PTPRS: variants seen among roughly 807,000 people sequenced by gnomAD.
The protein encoded by PTPRS is receptor-type tyrosine-protein phosphatase S.
In PTPRS, 63 loss-of-function variants were observed where a neutral mutation model predicts 215.3. The observed-to-expected ratio is 0.29, with a 90% confidence interval of 0.24 to 0.36. The LOEUF is 0.36. Among genes scored for constraint, PTPRS ranks in the 10% least tolerant of loss-of-function variants. PTPRS has a pLI of 1.00. For missense variants in PTPRS, 2,258 were observed against 2,825.8 expected, an observed-to-expected ratio of 0.80 and a Z score of 4.56; for synonymous variants, 1,404 against 1,191.4, an observed-to-expected ratio of 1.18 and a Z score of -3.68.
intron 4 of PTPRS, among the ~76,000 whole-genome samples, chr19:5,266,209 A>G (rs2046384623): frequency 6.6e-6 from 1 of 152,124 alleles, no homozygotes; most frequent in Non-Finnish European, 1.5e-5. Context: ...TGGTGAGCCA[A>G]GATCACGCCA....
chr19:5,262,887 G>T, intron 6 of PTPRS, 77 bp downstream of exon 6: 1 of 1,437,340 alleles, frequency 7.0e-7, no homozygotes, highest in Non-Finnish European at 9.6e-7. Context: ...TGTTAGTTTG[G>T]TGAGGAGAAG....
chr19:5,300,452 GTA>G (rs1372849883), intron 1 of PTPRS, among the ~76,000 whole-genome samples: 1 of 151,916 alleles, frequency 6.6e-6, no homozygotes, highest in Non-Finnish European at 1.5e-5. Flanking sequence ...CGAGTACACA[GTA>G]TATGCTCAAT....
At position 5,206,081 on chromosome 19, in the gene PTPRS, A is replaced by AG. The variant is rs147754186; in HGVS notation, c.*692_*693insC. On this transcript the variant is annotated 3_prime_UTR_variant, in exon 38 of 38. Coordinates refer to ENST00000262963, the MANE Select transcript of PTPRS (RefSeq NM_002850.4). ...AAATTAAAAAAAAAAAAAAAAAAAA[A>AG]AAAGCCAAGGTACAGCCATGGGCCT... Among the ~76,000 whole-genome samples, 2 of 135,576 alleles carry AG rather than the reference A, an allele frequency of 1.5e-5. No individual in the cohort carries two copies. The highest frequency in any genetic ancestry group is 2.9e-5 in the African/African-American group (1 of 34,470). The allele number at this position is 135,576 out of a possible 152,430, so 88.9% of individuals were successfully genotyped here.
intron 13 of PTPRS, among the ~76,000 whole-genome samples, chr19:5,232,830 T>C (rs2043130770): frequency 6.6e-6 from 1 of 152,104 alleles, no homozygotes; most frequent in Non-Finnish European, 1.5e-5. Context: ...AAACACTTAC[T>C]ATGTGCCAGG....
intron 1 of PTPRS, among the ~76,000 whole-genome samples, chr19:5,312,910 G>C (rs1000430230): frequency 1.3e-5 from 2 of 152,072 alleles, no homozygotes; most frequent in East Asian, 3.9e-4. Context: ...CCCAAAACCT[G>C]GCCTAGGATT....
chr19:5,220,695 T>C (rs1055352172), intron 20 of PTPRS, among the ~76,000 whole-genome samples: 1 of 152,140 alleles, frequency 6.6e-6, no homozygotes, highest in African/African-American at 2.4e-5. Context: ...CTGGGGACTC[T>C]CAGCTTTGCC....
At chr19:5,230,970 CCATGATCAGCA>C (rs2145657127) in intron 14 of PTPRS, among the ~76,000 whole-genome samples, 1 of 152,314 alleles carries the variant, frequency 6.6e-6, no homozygotes, top group African/African-American at 2.4e-5. Context: ...AGCTGGTTAA[CCATGATCAGCA>C]CATTGTTGTT....
chr19:5,330,425 C>T (rs2050287002), intron 1 of PTPRS, among the ~76,000 whole-genome samples: 1 of 152,198 alleles, frequency 6.6e-6, no homozygotes, highest in Non-Finnish European at 1.5e-5. Flanking sequence ...ATTAGCGGCC[C>T]CCACCACGGG....
chr19:5,275,067 T>G (rs2047242405), intron 2 of PTPRS, among the ~76,000 whole-genome samples: 1 of 99,204 alleles, frequency 1.0e-5, no homozygotes, highest in Non-Finnish European at 2.0e-5. Flanking sequence ...ATCGTCATTT[T>G]CTTTTCTTTT....
chr19:5,221,244 T>G lies in PTPRS; in HGVS notation c.3211A>C (p.Asn1071His). The change falls in exon 20 of 38, where the codon AAT becomes CAT. Residue 1071 changes from asparagine (N) to histidine (H), a missense_variant. Transcript: ENST00000262963. The part of the protein sequence containing the change: ...NSPTPYKIQY[N>H]GLTLDVDGRT... ...CCATCCACATCCAGTGTGAGCCCAT[T>G]GTACTGGATCTGCGGACCAGGGCTA... is the stretch of plus-strand genomic sequence containing the variant. The G allele has an allele frequency of 1.2e-6, 2 of 1,612,878 alleles. No homozygotes were observed. Among genetic ancestry groups the G allele is most frequent in the Admixed American group, 1.7e-5 (1 of 59,920 alleles).
At chr19:5,317,612 A>G (rs1210277112) in intron 1 of PTPRS, among the ~76,000 whole-genome samples, 2 of 152,238 alleles carry the variant, frequency 1.3e-5, no homozygotes, top group African/African-American at 4.8e-5. Context: ...CCACTGGTCC[A>G]GGTGGCTACT....
chr19:5,206,886 C>T (rs758035542), intron 37 of PTPRS, 44 bp from the exon 38 acceptor site: 35 of 1,579,510 alleles, frequency 2.2e-5, no homozygotes, highest in Middle Eastern at 1.7e-4. Context: ...GCTGCTCTAA[C>T]GCCTCCCAGG....
At chr19:5,255,036 G>A (rs977241231) in intron 9 of PTPRS, among the ~76,000 whole-genome samples, 2 of 152,208 alleles carry the variant, frequency 1.3e-5, no homozygotes, top group Non-Finnish European at 2.9e-5. Context: ...CAAAATGCTA[G>A]TGCACATTCA....
chr19:5,255,959 T>A (rs1258109504), intron 9 of PTPRS, 149 bp downstream of exon 9: 2 of 609,712 alleles, frequency 3.3e-6, no homozygotes. Flanking sequence ...TTCCATCTTT[T>A]AAAATTGTTG....
At chr19:5,281,052 A>G (rs1004650079) in intron 2 of PTPRS, among the ~76,000 whole-genome samples, 6 of 150,616 alleles carry the variant, frequency 4.0e-5, no homozygotes, top group African/African-American at 1.5e-4. Context: ...TCAGCCTCCC[A>G]AAGTGCTGGG....
chr19:5,222,622 G>GGGGGCT lies in PTPRS; in HGVS notation c.3103+61_3103+66dup, dbSNP rs1224946899. The GGGGGCT allele has an allele frequency of 2.7e-5, 39 of 1,423,976 alleles. No individual in the cohort carries two copies. In the African/African-American group the frequency reaches 5.5e-4, roughly 20 times the overall value. The allele number at this position is 1,423,976 out of a possible 1,614,324, so 88.2% of individuals were successfully genotyped here. A position where few individuals can be genotyped will look rare whatever the true frequency, so the allele number is the denominator to read the frequency against. On this transcript the variant is annotated intron_variant, in intron 18 of 37. Coordinates refer to ENST00000262963, the MANE Select transcript of PTPRS (RefSeq NM_002850.4). ...CACTTACCTGGGCAGGGGAGAGGGA[G>GGGGGCT]GGGGCTGGGGTGGGGGTGGGCGCAA...
At chr19:5,214,054 G>T (rs1055029962) in intron 30 of PTPRS, among the ~76,000 whole-genome samples, 15 of 152,152 alleles carry the variant, frequency 9.9e-5, no homozygotes, top group African/African-American at 3.4e-4. Context: ...AGCTGGGTGA[G>T]GCCAGAGGAC....
Position 5,212,450 on chromosome 19 carries a change from A to G in PTPRS, c.4656T>C (p.Phe1552=). ...GCACGCCATGGTCCGGCCACGCCGT[A>G]AACTGGAACTGGCGGACCTCGCGTT... is the stretch of plus-strand genomic sequence containing the variant. ...SEKREVRQFQ[F]TAWPDHGVPE... is the part of the protein sequence containing the mutation. Residue 1552 remains phenylalanine, a synonymous_variant, in exon 31 of 38, where the codon TTT becomes TTC. Transcript: ENST00000262963. 6.2e-7 allele frequency: 1 copy of G among 1,601,208 alleles called. No homozygotes were observed. The highest frequency in any genetic ancestry group is 8.5e-7 in the Non-Finnish European group (1 of 1,173,836).
At chr19:5,305,746 AAT>A (rs150998094) in intron 1 of PTPRS, among the ~76,000 whole-genome samples, 25,438 of 105,458 alleles carry the variant, frequency 0.24, 2,813 homozygotes, top group Admixed American at 0.31. Flanking sequence ...TAAATAAATA[AAT>A]ATATATATAT....
Sources: gnomAD v4.1 joint callset for allele counts (sites outside exome capture counted in the v4.1 genomes callset) on GRCh38, gnomAD v4.1.1 for gene constraint, MANE v1.5 for transcripts, NCBI Gene and HGNC (gene_info 2026-07-23, HGNC 2026-07-21) for gene names.